The following EXD3 variants were observed in gnomAD, a reference collection of about 807,000 sequenced individuals.
EXD3 encodes exonuclease mut-7 homolog.
EXD3 carries 92 observed loss-of-function variants against 98.0 expected under a neutral mutation model. The ratio of observed to expected loss-of-function variants is 0.94; its 90% CI spans 0.79 to 1.12. The LOEUF is 1.12. EXD3 is among the 50% of genes most tolerant of loss of function. The pLI, the probability that EXD3 is intolerant of heterozygous loss-of-function variation, is 0.00. For missense variants in EXD3, 1,222 were observed against 1,191.6 expected, an observed-to-expected ratio of 1.03 and a Z score of -0.38; for synonymous variants, 569 against 526.0, an observed-to-expected ratio of 1.08 and a Z score of -1.12.
At chr9:137,313,993 G>A (rs768832550) in intron 19 of EXD3, among the ~76,000 whole-genome samples, 5 of 151,952 alleles carry the variant, frequency 3.3e-5, no homozygotes, top group Non-Finnish European at 7.4e-5. Context: ...CCAGTGTGCC[G>A]TCCCAGGATG....
rs1318292985 is a variant in EXD3, at chr9:137,382,168, T to TGCGGAGGAGGTGAGGGCGC, written c.120+1126_120+1144dup. ...AGGGCGCGGGGAGGAGGTGGGAGCATGCGGAGGAGGTGAGGGCGCGCGGAG... is the reference window on the plus strand; with the variant it reads ...AGGGCGCGGGGAGGAGGTGGGAGCATGCGGAGGAGGTGAGGGCGCGCGGAGGAGGTGAGGGCGCGCGGAG... On this transcript the variant is annotated intron_variant, in intron 3 of 21. Transcript: ENST00000340951. Among the ~76,000 whole-genome samples, 58 of 21,278 alleles carry TGCGGAGGAGGTGAGGGCGC rather than the reference T, an allele frequency of 2.7e-3. 1 individual carries two copies. Among genetic ancestry groups the TGCGGAGGAGGTGAGGGCGC allele is most frequent in the East Asian group, 0.013 (13 of 1,020 alleles). The allele number at this position is 21,278 out of a possible 152,430, so 14.0% of individuals were successfully genotyped here. A position where few individuals can be genotyped will look rare whatever the true frequency, so the allele number is the denominator to read the frequency against.
intron 1 of EXD3, among the ~76,000 whole-genome samples, chr9:137,418,986 T>C (rs1259774652): frequency 6.6e-6 from 1 of 152,198 alleles, no homozygotes; most frequent in Non-Finnish European, 1.5e-5. Flanking sequence ...ATATTTGACT[T>C]CCCAAAACCA....
intron 1 of EXD3, among the ~76,000 whole-genome samples, chr9:137,412,585 C>T (rs528204953): frequency 6.6e-6 from 1 of 152,228 alleles, no homozygotes; most frequent in East Asian, 1.9e-4. Context: ...AGGGTGGATA[C>T]CCCAGAGCCC....
At chr9:137,390,035 T>C (rs576917695) in intron 2 of EXD3, among the ~76,000 whole-genome samples, 161 of 136,364 alleles carry the variant, frequency 1.2e-3, no homozygotes, top group African/African-American at 4.5e-3. Flanking sequence ...GGCAGGAGAA[T>C]CACTTGAACC....
intron 17 of EXD3, among the ~76,000 whole-genome samples, chr9:137,334,704 A>T (rs1270034088): frequency 1.3e-5 from 2 of 152,198 alleles, no homozygotes; most frequent in Non-Finnish European, 2.9e-5. Context: ...ACAAAAGCAA[A>T]TGCAACAAAA....
Position 137,403,027 on chromosome 9 carries a change from G to A in EXD3, c.-47-7623C>T, listed in dbSNP as rs1313116978. Among the ~76,000 whole-genome samples the A allele has an allele frequency of 6.6e-6, 1 of 152,154 alleles. No individual in the cohort carries two copies. The highest frequency in any genetic ancestry group is 1.5e-5 in the Non-Finnish European group (1 of 68,038). On this transcript the variant is annotated intron_variant, in intron 1 of 21. Coordinates refer to ENST00000340951, the MANE Select transcript of EXD3 (RefSeq NM_017820.5). This position sits in a 1 kb window ranked among gnomAD's most constrained non-coding sequence, Gnocchi z 6.1. ...CCTGGGTCCCTCCCACAACAGGTGG[G>A]AATTCTGGGAGATACAATTCAAGTT...
intron 7 of EXD3, chr9:137,365,739 GGCACACACATACAT>G (rs1404242594): frequency 1.0e-5 from 3 of 293,306 alleles, no homozygotes; most frequent in African/African-American, 7.2e-5. Flanking sequence ...CACACCTACA[GGCACACACATACAT>G]GCACACACAC....
chr9:137,323,822 G>C lies in EXD3; in HGVS notation c.2087C>G (p.Ser696Trp). Residue 696 changes from serine (S) to tryptophan (W), a missense_variant, in exon 19 of 22, where the codon TCG (serine) becomes TGG (tryptophan). Coordinates refer to ENST00000340951, the MANE Select transcript of EXD3 (RefSeq NM_017820.5). ...RAQVGAGRCL[S>W]VDCSLKAQQQ... ...CTGGGCCTTCAGGGAGCAGTCGACCGAGAGGCAGCGCCCAGCCCCGACCTG... is the reference window on the plus strand; with the variant it reads ...CTGGGCCTTCAGGGAGCAGTCGACCCAGAGGCAGCGCCCAGCCCCGACCTG... 2 of 1,612,010 alleles carry C rather than the reference G, an allele frequency of 1.2e-6. No homozygotes were observed. The highest frequency in any genetic ancestry group is 3.3e-5 in the Admixed American group (2 of 59,996).
chr9:137,406,557 G>A lies in EXD3; in HGVS notation c.-47-11153C>T, dbSNP rs551327695. Among the ~76,000 whole-genome samples the A allele has an allele frequency of 3.3e-5, 5 of 152,338 alleles. No homozygotes were observed. The East Asian group carries it at 9.6e-4, about 29-fold the overall frequency. On this transcript the variant is annotated intron_variant, in intron 1 of 21. Transcript: ENST00000340951. Reference sequence around the variant, plus strand: ...CCTGCCCCTGGCGTGCCCCGTGGCCGTCTGGAGGGTGGACTTGGCTTCCTG... The same window carrying A: ...CCTGCCCCTGGCGTGCCCCGTGGCCATCTGGAGGGTGGACTTGGCTTCCTG...
intron 10 of EXD3, chr9:137,354,100 G>C: frequency 7.9e-7 from 1 of 1,270,834 alleles, no homozygotes; most frequent in African/African-American, 1.5e-5. Flanking sequence ...GGACGCTGCC[G>C]TCTGCCTGGA....
At chr9:137,386,453 T>A (rs1836594739) in intron 2 of EXD3, among the ~76,000 whole-genome samples, 1 of 152,030 alleles carries the variant, frequency 6.6e-6, no homozygotes, top group South Asian at 2.1e-4. Context: ...GGTTCTGCCC[T>A]CCAGGTGGGC....
intron 1 of EXD3, among the ~76,000 whole-genome samples, chr9:137,417,078 C>T (rs1374884077): frequency 6.6e-6 from 1 of 152,216 alleles, no homozygotes; most frequent in East Asian, 1.9e-4. Flanking sequence ...CAGGAGAGGG[C>T]GACCCTCGTG....
intron 1 of EXD3, among the ~76,000 whole-genome samples, chr9:137,413,696 GT>G (rs1348758967): frequency 2.0e-5 from 3 of 150,836 alleles, no homozygotes; most frequent in African/African-American, 7.3e-5. Context: ...GAGACGGGGT[GT>G]TGCCATGTTT....
At position 137,306,927 on chromosome 9, in the gene EXD3, C is replaced by A; in HGVS notation, c.*23G>T. The A allele has an allele frequency of 6.5e-7, 1 of 1,538,336 alleles. No individual in the cohort carries two copies. The highest frequency in any genetic ancestry group is 1.8e-4 in the Middle Eastern group (1 of 5,568). Reference sequence around the variant, plus strand: ...CATGGGCCCAGCAGTCGGGCACTTTCCATGTTTATTGTCTGGCTGTCCTCA... The same window carrying A: ...CATGGGCCCAGCAGTCGGGCACTTTACATGTTTATTGTCTGGCTGTCCTCA... On this transcript the variant is annotated 3_prime_UTR_variant, in exon 22 of 22. Coordinates refer to ENST00000340951, the MANE Select transcript of EXD3 (RefSeq NM_017820.5).
intron 17 of EXD3, among the ~76,000 whole-genome samples, chr9:137,325,776 A>G (rs930060894): frequency 1.3e-5 from 2 of 152,162 alleles, no homozygotes; most frequent in Non-Finnish European, 2.9e-5. Context: ...ACTCAAAAAC[A>G]TCAGAGCTAA....
At chr9:137,412,003 G>A (rs959062171) in intron 1 of EXD3, among the ~76,000 whole-genome samples, 1 of 152,132 alleles carries the variant, frequency 6.6e-6, no homozygotes, top group African/African-American at 2.4e-5. Flanking sequence ...TGGGCTGTGT[G>A]CCCCCCAGGT....
rs1023087562 is a variant in EXD3, at chr9:137,403,082, T to C, written c.-47-7678A>G. 1.3e-5 allele frequency among the ~76,000 whole-genome samples: 2 copies of C among 152,000 alleles called. No homozygotes were observed. The highest frequency in any genetic ancestry group is 2.9e-5 in the Non-Finnish European group (2 of 67,990). On this transcript the variant is annotated intron_variant, in intron 1 of 21. Transcript: ENST00000340951. The surrounding 1 kb of genome is among the most constrained non-coding windows in gnomAD (Gnocchi z 6.1). ...TGTGGGTGAGGACACAGCCAAAGCATATCACCCGCCACGGGAGACCCTGTG... is the reference window on the plus strand; with the variant it reads ...TGTGGGTGAGGACACAGCCAAAGCACATCACCCGCCACGGGAGACCCTGTG...
intron 2 of EXD3, among the ~76,000 whole-genome samples, chr9:137,391,270 C>G (rs952932360): frequency 6.6e-6 from 1 of 152,252 alleles, no homozygotes; most frequent in Non-Finnish European, 1.5e-5. Flanking sequence ...AAAGTGGCCT[C>G]TCCTGCGGGC....
intron 1 of EXD3, among the ~76,000 whole-genome samples, chr9:137,422,888 C>T (rs1838607975): frequency 1.3e-5 from 2 of 152,082 alleles, no homozygotes; most frequent in Admixed American, 1.3e-4. Context: ...GCTCAGCTCC[C>T]CGCGGCGTCC....
Sources: gnomAD v4.1 joint callset for allele counts (sites outside exome capture counted in the v4.1 genomes callset) on GRCh38, gnomAD v4.1.1 for gene constraint, Gnocchi (gnomAD v3.1) non-coding constraint, MANE v1.5 for transcripts, NCBI Gene and HGNC (gene_info 2026-07-23, HGNC 2026-07-21) for gene names.